The following USP7 variants were observed in gnomAD, a reference collection of about 807,000 sequenced individuals.
USP7 encodes ubiquitin C-terminal hydrolase 7.
Under a neutral mutation model 162.9 loss-of-function variants are expected in USP7, and 9 were observed. The observed-to-expected ratio is 0.06, with a 90% CI of 0.03 to 0.10. The LOEUF is 0.10. USP7 is among the 10% of genes least tolerant of loss of function. The probability of loss-of-function intolerance (pLI) is 1.00; values close to 1 mark genes in which losing one functional copy is unlikely to be tolerated. For missense variants in USP7, 715 were observed against 1,373.7 expected, an observed-to-expected ratio of 0.52 and a Z score of 7.58; for synonymous variants, 562 against 475.9, an observed-to-expected ratio of 1.18 and a Z score of -2.35.
At chr16:8,897,716 A>ACATATAT (rs1596350235) in intron 25 of USP7, among the ~76,000 whole-genome samples, 1 of 46,218 alleles carries the variant, frequency 2.2e-5, no homozygotes, top group Non-Finnish European at 4.0e-5. Flanking sequence ...AAAAAAAAAA[A>ACATATAT]AAAAAAAAAA....
chr16:8,948,331 C>T (rs1239841345), intron 1 of USP7, among the ~76,000 whole-genome samples: 3 of 152,222 alleles, frequency 2.0e-5, no homozygotes, highest in South Asian at 2.1e-4. Context: ...TACAAGCACA[C>T]GCCATCATGG....
intron 1 of USP7, chr16:8,936,476 A>T: frequency 1.7e-6 from 2 of 1,184,216 alleles, no homozygotes; most frequent in Non-Finnish European, 2.2e-6. Context: ...TACAATGTCT[A>T]GATGTATAGC....
intron 1 of USP7, among the ~76,000 whole-genome samples, chr16:8,938,536 C>T (rs1014138997): frequency 3.3e-5 from 5 of 151,892 alleles, no homozygotes; most frequent in African/African-American, 9.7e-5. Context: ...CACGGTGAAA[C>T]GCCGTCTCTA....
intron 23 of USP7, 63 bp from the exon 24 acceptor site, chr16:8,898,702 G>T: frequency 2.2e-6 from 3 of 1,369,184 alleles, no homozygotes; most frequent in South Asian, 1.4e-5. Context: ...AAATATCTGT[G>T]AGTGAGCATA....
chr16:8,902,699 C>G (rs906731700), intron 16 of USP7, among the ~76,000 whole-genome samples: 1 of 152,000 alleles, frequency 6.6e-6, no homozygotes, highest in Non-Finnish European at 1.5e-5. Context: ...ACCAGCCTGG[C>G]CAACATGGTG....
chr16:8,899,133 A>T lies in USP7; in HGVS notation c.2519T>A (p.Phe840Tyr). 1 of 1,614,248 alleles carries T rather than the reference A, an allele frequency of 6.2e-7. No individual in the cohort carries two copies. The highest frequency in any genetic ancestry group is 8.5e-7 in the Non-Finnish European group (1 of 1,180,048). ...ACATGTGACCTACCCTTGAGACTTG[A>T]AAAACTGCAGCAACATTGGATCTGT... is the stretch of plus-strand genomic sequence containing the variant. ...LNTDPMLLQF[F>Y]KSQGYRDGPG... Residue 840 changes from phenylalanine (F) to tyrosine (Y), a missense_variant, in exon 23 of 31, where the codon TTC (phenylalanine) becomes TAC (tyrosine). Phe to Tyr is a conservative substitution (Grantham distance 22). Coordinates refer to ENST00000344836, the MANE Select transcript of USP7 (RefSeq NM_003470.3).
intron 13 of USP7, 107 bp downstream of exon 13, chr16:8,906,319 G>C (rs2061859722): frequency 2.2e-6 from 3 of 1,335,710 alleles, no homozygotes; most frequent in Non-Finnish European, 3.1e-6. Context: ...ACATAGATCA[G>C]TTAGGGGTCC....
intron 1 of USP7, among the ~76,000 whole-genome samples, chr16:8,931,624 A>T (rs1208008123): frequency 3.9e-5 from 6 of 152,256 alleles, no homozygotes; most frequent in Non-Finnish European, 5.9e-5. Context: ...AAACACATAT[A>T]ACTCAAGTTC....
chr16:8,897,724 A>ACATATATATATATAT lies in USP7; in HGVS notation c.2719-626_2719-625insATATATATATATATG, dbSNP rs59369679. ...AAAAAAAAAAAAAAAAAAAAAAAAA[A>ACATATATATATATAT]AAATATATATATATATATATATAAA... On this transcript the variant is annotated intron_variant, in intron 25 of 30. Transcript: ENST00000344836. 2.2e-3 allele frequency among the ~76,000 whole-genome samples: 42 copies of ACATATATATATATAT among 19,446 alleles called. 1 individual carries two copies. Among genetic ancestry groups the ACATATATATATATAT allele is most frequent in the Non-Finnish European group, 2.9e-3 (36 of 12,408 alleles). The allele number at this position is 19,446 out of a possible 152,430, so 12.8% of individuals were successfully genotyped here.
At chr16:8,916,414 T>G in intron 8 of USP7, 88 bp downstream of exon 8, 12 of 644,928 alleles carry the variant, frequency 1.9e-5, no homozygotes, top group Non-Finnish European at 2.4e-5. Flanking sequence ...TTTTCTGAAT[T>G]AGGTCTGAGG....
intron 10 of USP7, among the ~76,000 whole-genome samples, chr16:8,913,810 G>A (rs986017140): frequency 6.6e-6 from 1 of 151,912 alleles, no homozygotes; most frequent in East Asian, 1.9e-4. Flanking sequence ...CAGTGCAGTG[G>A]CACAATCATG....
intron 11 of USP7, 36 bp downstream of exon 11, chr16:8,910,709 C>A: frequency 1.3e-6 from 2 of 1,576,140 alleles, no homozygotes; most frequent in Non-Finnish European, 1.7e-6. Flanking sequence ...AAGAAGAACG[C>A]TACAACAGGA....
At chr16:8,945,373 G>T (rs1018368273) in intron 1 of USP7, among the ~76,000 whole-genome samples, 1 of 152,216 alleles carries the variant, frequency 6.6e-6, no homozygotes, top group African/African-American at 2.4e-5. Flanking sequence ...AACACAGCAA[G>T]ATGCTGTCTC....
At chr16:8,935,084 T>C (rs1938363963) in intron 1 of USP7, among the ~76,000 whole-genome samples, 1 of 152,232 alleles carries the variant, frequency 6.6e-6, no homozygotes, top group Admixed American at 6.5e-5. Context: ...AACATTGGCA[T>C]GCACATACAT....
intron 10 of USP7, 31 bp downstream of exon 10, chr16:8,915,223 G>T (rs754594841): frequency 2.6e-6 from 4 of 1,535,368 alleles, no homozygotes; most frequent in Non-Finnish European, 8.8e-7. Flanking sequence ...ATCATCAAAA[G>T]ATCATGCCAT....
At chr16:8,943,647 T>C (rs1287265767) in intron 1 of USP7, among the ~76,000 whole-genome samples, 1 of 152,190 alleles carries the variant, frequency 6.6e-6, no homozygotes, top group Non-Finnish European at 1.5e-5. Context: ...CCACCAGTAC[T>C]GAAGGTCTAG....
At chr16:8,938,357 GA>G (rs1247123158) in intron 1 of USP7, among the ~76,000 whole-genome samples, 1 of 149,776 alleles carries the variant, frequency 6.7e-6, no homozygotes, top group African/African-American at 2.5e-5. Context: ...AAAAAAGAAA[GA>G]AAGAAAGAAA....
intron 1 of USP7, among the ~76,000 whole-genome samples, chr16:8,946,353 G>A (rs1413279410): frequency 1.3e-5 from 2 of 152,098 alleles, no homozygotes; most frequent in African/African-American, 2.4e-5. Flanking sequence ...GGCTGAGGCA[G>A]GAGGATCACT....
chr16:8,903,225 G>A (rs576522557), intron 16 of USP7, 43 bp downstream of exon 16: 35 of 1,586,786 alleles, frequency 2.2e-5, no homozygotes, highest in South Asian at 1.8e-4. Flanking sequence ...GAAGGTGGAC[G>A]TTGGGAGCCA....
Sources: allele counts gnomAD v4.1 joint callset (sites outside exome capture counted in the v4.1 genomes callset), GRCh38; gene constraint gnomAD v4.1.1; transcripts MANE v1.5; gene names NCBI Gene and HGNC (gene_info 2026-07-23, HGNC 2026-07-21).